Variants in RBFOX1 observed in about 807,000 individuals in gnomAD.
RBFOX1 encodes the protein RNA binding fox-1 homolog 1, also known as RNA binding protein fox-1 homolog 1.
RBFOX1 carries 8 observed loss-of-function variants against 57.7 expected under a neutral mutation model. The observed-to-expected ratio is 0.14, with a 90% CI of 0.08 to 0.25. RBFOX1 has a LOEUF of 0.25. RBFOX1 is among the 10% of genes least tolerant of loss of function. RBFOX1 has a pLI of 1.00. For missense variants in RBFOX1, 611 were observed against 548.5 expected (o/e 1.11, Z -1.14); for synonymous variants, 326 against 222.4 (o/e 1.47, Z -4.15).
At chr16:7,257,845 G>T (rs2094758504) in intron 4 of RBFOX1, among the ~76,000 whole-genome samples, 3 of 152,240 alleles carry the variant, frequency 2.0e-5, no homozygotes, top group South Asian at 4.1e-4. Flanking sequence ...TAAATTGGAA[G>T]TCCTTGCATT....
intron 1 of RBFOX1, among the ~76,000 whole-genome samples, chr16:6,311,439 G>A (rs996358884): frequency 6.6e-6 from 1 of 152,160 alleles, no homozygotes; most frequent in African/African-American, 2.4e-5. Flanking sequence ...CTGATGTGGG[G>A]ATGGGATGGG....
intron 3 of RBFOX1, among the ~76,000 whole-genome samples, chr16:6,849,198 T>C (rs1219185400): frequency 6.6e-6 from 1 of 152,220 alleles, no homozygotes; most frequent in Non-Finnish European, 1.5e-5. Context: ...GGAAAAATTA[T>C]CCACCTATCA....
At chr16:7,079,140 C>T (rs991975075) in intron 4 of RBFOX1, among the ~76,000 whole-genome samples, 15 of 152,062 alleles carry the variant, frequency 9.9e-5, no homozygotes, top group Admixed American at 4.6e-4. Flanking sequence ...CATACATTGT[C>T]TGTTGCTGTA....
At chr16:6,597,310 C>A (rs1160474390) in intron 2 of RBFOX1, among the ~76,000 whole-genome samples, 2 of 151,998 alleles carry the variant, frequency 1.3e-5, no homozygotes, top group Non-Finnish European at 2.9e-5. Context: ...CATCTGAGTC[C>A]CCTTTTCCTT....
chr16:7,477,049 C>T (rs560334946), intron 4 of RBFOX1, among the ~76,000 whole-genome samples: 5 of 152,146 alleles, frequency 3.3e-5, no homozygotes, highest in Admixed American at 2.6e-4. Flanking sequence ...CCGTGGGTAA[C>T]ATGTTCCTTA....
At chr16:7,146,516 A>G (rs902541265) in intron 4 of RBFOX1, among the ~76,000 whole-genome samples, 1 of 152,220 alleles carries the variant, frequency 6.6e-6, no homozygotes, top group Non-Finnish European at 1.5e-5. Context: ...GCTAGGATGC[A>G]TAGGCCATCA....
chr16:6,919,610 C>T (rs776305141), intron 3 of RBFOX1, among the ~76,000 whole-genome samples: 44 of 151,910 alleles, frequency 2.9e-4, no homozygotes, highest in African/African-American at 5.8e-4. Flanking sequence ...CTGGTATCTT[C>T]GAACAAGTAT....
At chr16:5,685,738 G>T (rs2050484726) in intron 3 of RBFOX1, among the ~76,000 whole-genome samples, 1 of 152,152 alleles carries the variant, frequency 6.6e-6, no homozygotes. Flanking sequence ...CCTCCTTCAT[G>T]GGCTGACAGG....
intron 2 of RBFOX1, among the ~76,000 whole-genome samples, chr16:6,507,352 C>G (rs960093992): frequency 6.6e-6 from 1 of 151,970 alleles, no homozygotes; most frequent in African/African-American, 2.4e-5. Flanking sequence ...TTTGTCTATA[C>G]CATGGAATAT....
intron 3 of RBFOX1, among the ~76,000 whole-genome samples, chr16:5,675,077 G>C (rs938363576): frequency 1.3e-5 from 2 of 152,144 alleles, no homozygotes; most frequent in East Asian, 3.9e-4. Context: ...GAGCCCAAGA[G>C]GTCAAGGCTG....
chr16:7,151,857 T>G (rs2076174690), intron 4 of RBFOX1, among the ~76,000 whole-genome samples: 1 of 152,164 alleles, frequency 6.6e-6, no homozygotes, highest in South Asian at 2.1e-4. Context: ...CACAAGAGGA[T>G]TTCTGCTCCT....
intron 3 of RBFOX1, among the ~76,000 whole-genome samples, chr16:7,003,510 G>A (rs967747436): frequency 6.6e-6 from 1 of 151,442 alleles, no homozygotes; most frequent in Admixed American, 6.6e-5. Flanking sequence ...GTGAAGCCCT[G>A]TTAAATCCTG....
intron 4 of RBFOX1, among the ~76,000 whole-genome samples, chr16:7,078,595 A>G (rs1262766926): frequency 6.6e-6 from 1 of 151,674 alleles, no homozygotes; most frequent in Non-Finnish European, 1.5e-5. Flanking sequence ...TGATCCACCC[A>G]CTTTGGCCTC....
chr16:7,325,606 T>C (rs1007562520), intron 4 of RBFOX1, among the ~76,000 whole-genome samples: 1 of 152,190 alleles, frequency 6.6e-6, no homozygotes, highest in African/African-American at 2.4e-5. Flanking sequence ...GGGTGTCTTT[T>C]TTTGCTAGAT....
chr16:6,875,550 A>T (rs1289246461), intron 3 of RBFOX1, among the ~76,000 whole-genome samples: 1 of 152,226 alleles, frequency 6.6e-6, no homozygotes, highest in Non-Finnish European at 1.5e-5. Context: ...TTTATGTCTG[A>T]AGCAAGGCCG....
rs2084046923 is a variant in RBFOX1, at chr16:7,711,854, T to C, written c.*1109T>C. On this transcript the variant is annotated 3_prime_UTR_variant, in exon 16 of 16. Coordinates refer to ENST00000550418, the MANE Select transcript of RBFOX1 (RefSeq NM_018723.4). Reference sequence around the variant, plus strand: ...AATCATTGAGTAGAGATAATCATGGTATTTTCATCAGCTTGGTACTTTTTG... The same window carrying C: ...AATCATTGAGTAGAGATAATCATGGCATTTTCATCAGCTTGGTACTTTTTG... The C allele has an allele frequency of 6.6e-6, 1 of 152,600 alleles. No homozygotes were observed. The highest frequency in any genetic ancestry group is 1.5e-5 in the Non-Finnish European group (1 of 68,014). 9.5% of individuals were successfully genotyped at this position (152,600 alleles called of 1,614,324 possible). A position where few individuals can be genotyped will look rare whatever the true frequency, so the allele number is the denominator to read the frequency against.
In RBFOX1 at chr16:7,712,240, G is replaced by T. The variant is rs1217999313; in HGVS notation, c.*1495G>T. 2 of 152,574 alleles carry T rather than the reference G, an allele frequency of 1.3e-5. No homozygotes were observed. The highest frequency in any genetic ancestry group is 2.4e-5 in the African/African-American group (1 of 41,424). The allele number at this position is 152,574 out of a possible 1,614,324, so 9.5% of individuals were successfully genotyped here. On this transcript the variant is annotated 3_prime_UTR_variant, in exon 16 of 16. Coordinates refer to ENST00000550418, the MANE Select transcript of RBFOX1 (RefSeq NM_018723.4). ...TTGTATTTAAATAAAAACAACAGCAGCAGGCTGTCCCTGAGTAGTTTTGCT... is the reference window on the plus strand; with the variant it reads ...TTGTATTTAAATAAAAACAACAGCATCAGGCTGTCCCTGAGTAGTTTTGCT...
At chr16:6,918,815 T>C (rs1434113832) in intron 3 of RBFOX1, among the ~76,000 whole-genome samples, 1 of 152,132 alleles carries the variant, frequency 6.6e-6, no homozygotes, top group Admixed American at 6.6e-5. Flanking sequence ...AGAAGCGCAC[T>C]CGTTAATAAA....
intron 4 of RBFOX1, among the ~76,000 whole-genome samples, chr16:7,212,725 G>A (rs1329011903): frequency 1.3e-5 from 2 of 152,188 alleles, no homozygotes; most frequent in Non-Finnish European, 2.9e-5. Context: ...AAGCATGTGG[G>A]CCTTAAAACC....
Sources: gnomAD v4.1 joint callset for allele counts (sites outside exome capture counted in the v4.1 genomes callset) on GRCh38, gnomAD v4.1.1 for gene constraint, MANE v1.5 for transcripts, NCBI Gene and HGNC (gene_info 2026-07-23, HGNC 2026-07-21) for gene names.